The following NRXN1 variants were observed in gnomAD, a reference collection of about 807,000 sequenced individuals.
NRXN1 encodes the protein neurexin-1.
Under a neutral mutation model 150.9 loss-of-function variants are expected in NRXN1, and 39 were observed. The observed-to-expected ratio is 0.26, with a 90% CI of 0.20 to 0.34. The LOEUF (loss-of-function observed/expected upper bound fraction) is 0.34. Among genes scored for constraint, NRXN1 ranks in the 10% least tolerant of loss-of-function variants. The pLI is 1.00. For synonymous variants in NRXN1, 924 were observed against 757.0 expected (o/e 1.22, Z -3.62); for missense variants, 1,815 against 1,949.9 (o/e 0.93, Z 1.30).
intron 17 of NRXN1, among the ~76,000 whole-genome samples, chr2:50,392,112 C>A (rs2081754600): frequency 6.6e-6 from 1 of 152,120 alleles, no homozygotes; most frequent in Non-Finnish European, 1.5e-5. Flanking sequence ...TACAGCCAAT[C>A]ATGCAATTCT....
At chr2:50,999,956 T>G (rs1404441567) in intron 2 of NRXN1, among the ~76,000 whole-genome samples, 1 of 152,056 alleles carries the variant, frequency 6.6e-6, no homozygotes, top group Non-Finnish European at 1.5e-5. Context: ...TTTCAGATAC[T>G]TTTCAAATAC....
chr2:50,668,005 A>G (rs546335403), intron 5 of NRXN1, among the ~76,000 whole-genome samples: 2 of 152,148 alleles, frequency 1.3e-5, no homozygotes, highest in African/African-American at 4.8e-5. Context: ...TCACTCATCA[A>G]TGATGGTTTC....
At position 50,911,346 on chromosome 2, in the gene NRXN1, T is replaced by C. The variant is rs1027656492; in HGVS notation, c.832+10523A>G. 2.0e-5 allele frequency among the ~76,000 whole-genome samples: 3 copies of C among 151,702 alleles called. No individual in the cohort carries two copies. In the Admixed American group the frequency reaches 2.0e-4, roughly 10 times the overall value. ...CTCATCACTCTCTCCCTGCTTTTTC[T>C]TGTATTCACACTAATCTTTCAACCA... On this transcript the variant is annotated intron_variant, in intron 5 of 22. Transcript: ENST00000401669.
intron 8 of NRXN1, among the ~76,000 whole-genome samples, chr2:50,617,134 C>G (rs972648155): frequency 6.6e-6 from 1 of 152,094 alleles, no homozygotes; most frequent in Non-Finnish European, 1.5e-5. Flanking sequence ...CTATCAACAA[C>G]TAAAAAGCCC....
chr2:50,140,115 A>G (rs897467859), intron 18 of NRXN1, among the ~76,000 whole-genome samples: 7 of 152,164 alleles, frequency 4.6e-5, no homozygotes, highest in Non-Finnish European at 8.8e-5. Context: ...AATGTAAAAT[A>G]GTGAGCAAAT....
chr2:50,916,497 G>T (rs114921747), intron 5 of NRXN1, among the ~76,000 whole-genome samples: 9 of 151,302 alleles, frequency 5.9e-5, no homozygotes, highest in Admixed American at 5.3e-4. Context: ...GATTAAAAAA[G>T]TACATTTGCA....
At chr2:50,600,638 T>TG (rs527460701) in intron 8 of NRXN1, among the ~76,000 whole-genome samples, 35 of 152,300 alleles carry the variant, frequency 2.3e-4, no homozygotes, top group African/African-American at 8.2e-4. Context: ...TCTTGCTTTT[T>TG]GGGGGCAAGG....
chr2:50,824,283 T>C (rs1670137361), intron 5 of NRXN1, among the ~76,000 whole-genome samples: 1 of 150,386 alleles, frequency 6.6e-6, no homozygotes, highest in Non-Finnish European at 1.5e-5. Context: ...TTATTATTGC[T>C]ACAATTCAAA....
At chr2:50,438,613 G>T (rs536274519) in intron 17 of NRXN1, among the ~76,000 whole-genome samples, 1 of 152,262 alleles carries the variant, frequency 6.6e-6, no homozygotes, top group Non-Finnish European at 1.5e-5. Flanking sequence ...GCTTCACTGA[G>T]GTCATATATT....
At chr2:50,906,743 T>A (rs987646848) in intron 5 of NRXN1, among the ~76,000 whole-genome samples, 1 of 152,122 alleles carries the variant, frequency 6.6e-6, no homozygotes, top group South Asian at 2.1e-4. Context: ...ACTTACATTA[T>A]GCTTCTGCCT....
At chr2:50,974,587 T>C (rs1160591317) in intron 2 of NRXN1, among the ~76,000 whole-genome samples, 1 of 152,086 alleles carries the variant, frequency 6.6e-6, no homozygotes, top group Non-Finnish European at 1.5e-5. Context: ...ATACCCAAGA[T>C]TTCCTGTTCT....
chr2:50,224,693 A>AAGAGAGAGAGAGAGAG (rs201700032), intron 18 of NRXN1, among the ~76,000 whole-genome samples: 28 of 130,448 alleles, frequency 2.1e-4, no homozygotes, highest in Admixed American at 1.5e-4. Flanking sequence ...GAGAGGGAGA[A>AAGAGAGAGAGAGAGAG]AGAGAGAGAG....
chr2:50,922,799 G>A (rs956711616), intron 3 of NRXN1, 112 bp from the exon 4 acceptor site: 222 of 1,059,194 alleles, frequency 2.1e-4, no homozygotes, highest in Middle Eastern at 8.0e-4. Flanking sequence ...TATGAGACAT[G>A]TCTGTATCAC....
intron 5 of NRXN1, among the ~76,000 whole-genome samples, chr2:50,920,389 T>C (rs529684807): frequency 2.0e-5 from 3 of 151,608 alleles, no homozygotes; most frequent in Non-Finnish European, 2.9e-5. Flanking sequence ...CTATTCCATA[T>C]GTAGAAAATG....
chr2:50,474,685 A>AAAG (rs2089833106), intron 15 of NRXN1, among the ~76,000 whole-genome samples: 2 of 126,086 alleles, frequency 1.6e-5, no homozygotes, highest in Non-Finnish European at 3.4e-5. Flanking sequence ...AGAAATAGCA[A>AAAG]AAAAAAAAAA....
chr2:50,545,104 T>C (rs565642082), intron 9 of NRXN1, among the ~76,000 whole-genome samples: 18 of 152,256 alleles, frequency 1.2e-4, no homozygotes, highest in African/African-American at 2.4e-4. Flanking sequence ...TGGTTATCTA[T>C]GGAGAACAGA....
chr2:50,035,195 C>A (rs908010682), intron 21 of NRXN1, among the ~76,000 whole-genome samples: 8 of 152,066 alleles, frequency 5.3e-5, no homozygotes, highest in Non-Finnish European at 1.2e-4. Context: ...CAAAACATAT[C>A]TTTTTATCTT....
At chr2:50,563,314 T>C (rs1018005371) in intron 8 of NRXN1, among the ~76,000 whole-genome samples, 2 of 152,228 alleles carry the variant, frequency 1.3e-5, no homozygotes, top group Non-Finnish European at 2.9e-5. Context: ...TTTTATCATA[T>C]CAGAGAATCT....
At chr2:50,363,085 T>G (rs1031611454) in intron 17 of NRXN1, among the ~76,000 whole-genome samples, 3 of 152,136 alleles carry the variant, frequency 2.0e-5, no homozygotes, top group Admixed American at 2.0e-4. Flanking sequence ...TATACAAAAA[T>G]TAACTTGATA....
Sources: allele counts gnomAD v4.1 joint callset (sites outside exome capture counted in the v4.1 genomes callset), GRCh38; gene constraint gnomAD v4.1.1; transcripts MANE v1.5; gene names NCBI Gene and HGNC (gene_info 2026-07-23, HGNC 2026-07-21).